The following NKAIN3 variants were observed in gnomAD, a reference collection of about 807,000 sequenced individuals.
NKAIN3 encodes the protein sodium/potassium-transporting ATPase subunit beta-1-interacting protein 3.
A neutral mutation model predicts 30.2 loss-of-function variants in NKAIN3; 25 were observed. The observed-to-expected ratio is 0.83, with a 90% CI of 0.60 to 1.16. The LOEUF is 1.16. NKAIN3 is among the 50% of genes most tolerant of loss of function. The probability of loss-of-function intolerance (pLI) is 0.00; values close to 1 mark genes in which losing one functional copy is unlikely to be tolerated. For synonymous variants in NKAIN3, 91 were observed against 89.6 expected, an observed-to-expected ratio of 1.02 and a Z score of -0.09; for missense variants, 225 against 254.1, an observed-to-expected ratio of 0.89 and a Z score of 0.78.
At chr8:62,790,055 A>C (rs182388439) in intron 4 of NKAIN3, among the ~76,000 whole-genome samples, 1,555 of 152,268 alleles carry the variant, frequency 0.01, 27 homozygotes, top group African/African-American at 0.034. Flanking sequence ...TTGATGCAAA[A>C]ATCCTCAATA....
chr8:62,536,868 A>T (rs1808680905), intron 1 of NKAIN3, among the ~76,000 whole-genome samples: 1 of 152,094 alleles, frequency 6.6e-6, no homozygotes, highest in South Asian at 2.1e-4. Flanking sequence ...TATTCCAGCA[A>T]TCTACGAGGC....
At chr8:62,863,228 G>C (rs1586282777) in intron 4 of NKAIN3, 4 of 1,566,840 alleles carry the variant, frequency 2.6e-6, no homozygotes, top group Non-Finnish European at 3.5e-6. Flanking sequence ...TGCCTCTTCT[G>C]TTTATTTTTC....
intron 4 of NKAIN3, among the ~76,000 whole-genome samples, chr8:62,899,204 A>G (rs960423082): frequency 3.3e-5 from 5 of 152,250 alleles, no homozygotes; most frequent in African/African-American, 1.2e-4. Flanking sequence ...GAGAGCTTCC[A>G]TACAATCCAG....
intron 4 of NKAIN3, among the ~76,000 whole-genome samples, chr8:62,842,171 A>G (rs1002199501): frequency 6.6e-6 from 1 of 152,048 alleles, no homozygotes; most frequent in Non-Finnish European, 1.5e-5. Context: ...CTATTGAGTT[A>G]TTTCAGTTCC....
intron 4 of NKAIN3, among the ~76,000 whole-genome samples, chr8:62,897,837 G>A (rs4739018): frequency 0.77 from 117,598 of 152,004 alleles, 46,347 homozygotes; most frequent in East Asian, 0.98. Context: ...CCATGCGATC[G>A]ATTTGCACAT....
intron 4 of NKAIN3, among the ~76,000 whole-genome samples, chr8:62,829,882 ATTC>A (rs1272620757): frequency 6.6e-6 from 1 of 152,176 alleles, no homozygotes; most frequent in Non-Finnish European, 1.5e-5. Flanking sequence ...CCCATAAGGT[ATTC>A]TTTTCACTTT....
In NKAIN3 at chr8:62,385,615, C is replaced by G. The variant is rs1055974607; in HGVS notation, c.54+136488C>G. On this transcript the variant is annotated intron_variant, in intron 1 of 6. Transcript: ENST00000623646. Reference sequence around the variant, plus strand: ...TTGGCAAATGCATAACATCATATAGCATGACCACAATCAATATACGGGATA... The same window carrying G: ...TTGGCAAATGCATAACATCATATAGGATGACCACAATCAATATACGGGATA... 4.6e-5 allele frequency among the ~76,000 whole-genome samples: 7 copies of G among 152,270 alleles called. No homozygotes were observed. The East Asian group carries it at 1.4e-3, about 29-fold the overall frequency.
chr8:62,684,511 C>T (rs1203347087), intron 3 of NKAIN3, among the ~76,000 whole-genome samples: 3 of 152,154 alleles, frequency 2.0e-5, no homozygotes, highest in Non-Finnish European at 4.4e-5. Context: ...TAAAGCCATG[C>T]TGCTGAGACA....
chr8:62,863,878 G>C (rs977147920), intron 4 of NKAIN3: 1 of 1,476,480 alleles, frequency 6.8e-7, no homozygotes, highest in Non-Finnish European at 9.5e-7. Context: ...AGTCCGCAGG[G>C]TCCTCTTGCT....
intron 4 of NKAIN3, among the ~76,000 whole-genome samples, chr8:62,894,931 A>T (rs1013728231): frequency 1.3e-5 from 2 of 152,220 alleles, no homozygotes; most frequent in Admixed American, 6.5e-5. Context: ...GAACAAAAGG[A>T]TATCACTCCC....
intron 4 of NKAIN3, among the ~76,000 whole-genome samples, chr8:62,751,014 T>TCC (rs1033224701): frequency 1.3e-5 from 2 of 152,134 alleles, no homozygotes; most frequent in Non-Finnish European, 2.9e-5. Flanking sequence ...GCGCAAATCT[T>TCC]ATCAGTCACG....
chr8:62,889,264 G>T (rs1438502911), intron 4 of NKAIN3, among the ~76,000 whole-genome samples: 1 of 152,018 alleles, frequency 6.6e-6, no homozygotes, highest in African/African-American at 2.4e-5. Flanking sequence ...CAGCTACTCA[G>T]GAGGCTGAGG....
chr8:62,323,101 A>AT (rs1250522686), intron 1 of NKAIN3, among the ~76,000 whole-genome samples: 1 of 152,188 alleles, frequency 6.6e-6, no homozygotes, highest in Non-Finnish European at 1.5e-5. Context: ...TGGTAGAGGC[A>AT]TTTTGGAAGA....
At chr8:62,275,119 A>G (rs373552267) in intron 1 of NKAIN3, among the ~76,000 whole-genome samples, 4 of 151,582 alleles carry the variant, frequency 2.6e-5, no homozygotes, top group Admixed American at 6.6e-5. Flanking sequence ...CCAGTAATGG[A>G]ATGGCTGGGT....
chr8:62,274,378 T>A (rs1341247646), intron 1 of NKAIN3, among the ~76,000 whole-genome samples: 1 of 152,138 alleles, frequency 6.6e-6, no homozygotes, highest in Non-Finnish European at 1.5e-5. Context: ...GTCTATGATC[T>A]GTGATTCCTG....
rs558067992 is a variant in NKAIN3 at position 62,319,202 on chromosome 8, C to T, written c.54+70075C>T. On this transcript the variant is annotated intron_variant, in intron 1 of 6. Coordinates refer to ENST00000623646, the MANE Select transcript of NKAIN3 (RefSeq NM_001304533.3). ...ATATCCCCTTTATCATTTTTTATTGCGTCTATTTTATTCTTCTCTTTTCTT... is the reference window on the plus strand; with the variant it reads ...ATATCCCCTTTATCATTTTTTATTGTGTCTATTTTATTCTTCTCTTTTCTT... Among the ~76,000 whole-genome samples, 27 of 151,962 alleles carry T rather than the reference C, an allele frequency of 1.8e-4. No individual in the cohort carries two copies. In the East Asian group the frequency reaches 3.7e-3, roughly 21 times the overall value.
chr8:62,772,143 A>G (rs1342065298), intron 4 of NKAIN3, among the ~76,000 whole-genome samples: 3 of 152,122 alleles, frequency 2.0e-5, no homozygotes, highest in African/African-American at 7.2e-5. Context: ...CTACCTGCAA[A>G]TAAGTGAGAA....
At chr8:62,583,186 A>G (rs1810359276) in intron 2 of NKAIN3, among the ~76,000 whole-genome samples, 1 of 151,992 alleles carries the variant, frequency 6.6e-6, no homozygotes. Context: ...TATTTTTCCT[A>G]TCTAGTGTCC....
intron 1 of NKAIN3, among the ~76,000 whole-genome samples, chr8:62,542,664 A>C (rs1018939132): frequency 6.6e-5 from 10 of 152,186 alleles, no homozygotes; most frequent in Admixed American, 5.9e-4. Context: ...TTACTCACGC[A>C]ATATTTAAAC....
Sources: allele counts gnomAD v4.1 joint callset (sites outside exome capture counted in the v4.1 genomes callset), GRCh38; gene constraint gnomAD v4.1.1; transcripts MANE v1.5; gene names NCBI Gene and HGNC (gene_info 2026-07-23, HGNC 2026-07-21).